The following LDB2 variants were observed in gnomAD, a reference collection of about 807,000 sequenced individuals.
LDB2 encodes the protein LIM domain binding 2.
LDB2 carries 12 observed loss-of-function variants against 44.3 expected under a neutral mutation model. The ratio of observed to expected loss-of-function variants is 0.27; its 90% confidence interval spans 0.17 to 0.44. The LOEUF is 0.44. Ranked by LOEUF, LDB2 falls within the 20% of genes least tolerant of loss-of-function variation. The pLI is 1.00. For missense variants in LDB2, 344 were observed against 473.5 expected (o/e 0.73, Z 2.54); for synonymous variants, 164 against 174.8 (o/e 0.94, Z 0.49).
chr4:16,846,870 G>A (rs1178175169), intron 1 of LDB2, among the ~76,000 whole-genome samples: 1 of 152,168 alleles, frequency 6.6e-6, no homozygotes, highest in African/African-American at 2.4e-5. Flanking sequence ...GTGGATTTTT[G>A]ATATCAAAGT....
intron 5 of LDB2, among the ~76,000 whole-genome samples, chr4:16,538,818 A>G (rs1040103184): frequency 2.6e-5 from 4 of 152,168 alleles, no homozygotes; most frequent in Non-Finnish European, 4.4e-5. Context: ...AGTAGTCTGC[A>G]TGTATTTTTA....
intron 1 of LDB2, among the ~76,000 whole-genome samples, chr4:16,812,510 A>G (rs1579896695): frequency 6.6e-6 from 1 of 150,822 alleles, no homozygotes; most frequent in South Asian, 2.1e-4. Context: ...AATATCTTTC[A>G]GCCCTACAGC....
intron 5 of LDB2, among the ~76,000 whole-genome samples, chr4:16,519,165 T>C (rs1049934433): frequency 6.6e-6 from 1 of 152,212 alleles, no homozygotes; most frequent in African/African-American, 2.4e-5. Flanking sequence ...ACTCAAATAT[T>C]TGTTGAGTCA....
At chr4:16,735,584 C>T (rs1291167334) in intron 2 of LDB2, among the ~76,000 whole-genome samples, 2 of 150,946 alleles carry the variant, frequency 1.3e-5, no homozygotes, top group Non-Finnish European at 2.9e-5. Context: ...AAAAAAACAG[C>T]AATTTCTACA....
At chr4:16,618,261 T>A (rs565028763) in intron 2 of LDB2, among the ~76,000 whole-genome samples, 1 of 152,278 alleles carries the variant, frequency 6.6e-6, no homozygotes, top group South Asian at 2.1e-4. Context: ...CTGACACTTC[T>A]AACAAGTGTC....
chr4:16,722,083 A>ACCT (rs1320065866), intron 2 of LDB2, among the ~76,000 whole-genome samples: 5 of 152,188 alleles, frequency 3.3e-5, no homozygotes, highest in Non-Finnish European at 7.3e-5. Context: ...GTCAATAATT[A>ACCT]CCTAAGAGAC....
chr4:16,583,972 T>G (rs899548324), intron 5 of LDB2, among the ~76,000 whole-genome samples: 9 of 151,928 alleles, frequency 5.9e-5, no homozygotes, highest in Non-Finnish European at 1.2e-4. Context: ...CCAGGAGTAA[T>G]GAGTGAGTGA....
chr4:16,505,839 C>T lies in LDB2; in HGVS notation c.891+2696G>A. 1 of 1,545,574 alleles carries T rather than the reference C, an allele frequency of 6.5e-7. No homozygotes were observed. The highest frequency in any genetic ancestry group is 8.7e-7 in the Non-Finnish European group (1 of 1,144,042). ...TAATCCCCCGTGCAAAGACCACCAA[C>T]CTCTGAGGAGGACTGGAAGTGACTC... On this transcript the variant is annotated intron_variant, in intron 7 of 7. Transcript: ENST00000304523.
chr4:16,752,967 T>C (rs541416744), intron 2 of LDB2, among the ~76,000 whole-genome samples: 3 of 152,146 alleles, frequency 2.0e-5, no homozygotes, highest in Non-Finnish European at 4.4e-5. Flanking sequence ...TGGCCATGCC[T>C]TCTGAGAAGG....
chr4:16,670,074 TC>T lies in LDB2; in HGVS notation c.236-74200del, dbSNP rs1242177419. ...CAAACCTAAAATATTTTCTGTCTGG[TC>T]CTTCACAGAAAAGTTTGCCAACCTC... is the stretch of plus-strand genomic sequence containing the variant. On this transcript the variant is annotated intron_variant, in intron 2 of 7. Transcript: ENST00000304523. Among the ~76,000 whole-genome samples the T allele has an allele frequency of 2.6e-4, 40 of 152,308 alleles. No individual in the cohort carries two copies. The East Asian group carries it at 2.7e-3, about 10-fold the overall frequency.
chr4:16,748,899 C>T (rs1472183821), intron 2 of LDB2, among the ~76,000 whole-genome samples: 2 of 152,174 alleles, frequency 1.3e-5, no homozygotes, highest in Non-Finnish European at 2.9e-5. Flanking sequence ...TGGCTAAGCT[C>T]TGCTAATAAT....
intron 2 of LDB2, among the ~76,000 whole-genome samples, chr4:16,746,274 A>AT (rs1764364857): frequency 6.6e-6 from 1 of 152,238 alleles, no homozygotes; most frequent in Admixed American, 6.5e-5. Flanking sequence ...GTAAGTCATT[A>AT]TTGAACATAT....
chr4:16,581,502 T>C (rs1269346821), intron 5 of LDB2: 1 of 863,748 alleles, frequency 1.2e-6, no homozygotes, highest in Admixed American at 6.2e-5. Context: ...CTTTTGTTGG[T>C]ACCTAAAACA....
chr4:16,785,459 T>C (rs1774214600), intron 1 of LDB2, among the ~76,000 whole-genome samples: 1 of 152,174 alleles, frequency 6.6e-6, no homozygotes, highest in Non-Finnish European at 1.5e-5. Context: ...TGCATCACTG[T>C]AATGAGCAGT....
At chr4:16,591,894 C>CT (rs760106412) in intron 3 of LDB2, among the ~76,000 whole-genome samples, 65 of 150,610 alleles carry the variant, frequency 4.3e-4, no homozygotes, top group Admixed American at 1.2e-3. Flanking sequence ...TTAAAGCTGC[C>CT]TTTCACTTGG....
intron 2 of LDB2, among the ~76,000 whole-genome samples, chr4:16,684,060 G>A (rs945522159): frequency 6.6e-6 from 1 of 152,194 alleles, no homozygotes; most frequent in African/African-American, 2.4e-5. Flanking sequence ...TGAATGGGCA[G>A]CCAGCTGGCA....
chr4:16,886,695 G>T (rs1269137782), intron 1 of LDB2, among the ~76,000 whole-genome samples: 1 of 152,082 alleles, frequency 6.6e-6, no homozygotes, highest in Non-Finnish European at 1.5e-5. Flanking sequence ...AGCAATGAAG[G>T]TTAGTGATGT....
Position 16,664,355 on chromosome 4 carries a change from G to C in LDB2, c.236-68480C>G, listed in dbSNP as rs564609424. ...AGCCTCCAGAACTATAAGCAATAAA[G>C]TTCTGTTGTTTATAAGCCACCCAGT... On this transcript the variant is annotated intron_variant, in intron 2 of 7. Coordinates refer to ENST00000304523, the MANE Select transcript of LDB2 (RefSeq NM_001290.5). 2.1e-4 allele frequency among the ~76,000 whole-genome samples: 32 copies of C among 152,296 alleles called. 1 individual carries two copies. In the South Asian group the frequency reaches 5.0e-3, roughly 24 times the overall value.
At chr4:16,512,267 C>T (rs1056739997) in intron 5 of LDB2, 163 bp from the exon 6 acceptor site, 15 of 640,366 alleles carry the variant, frequency 2.3e-5, no homozygotes, top group African/African-American at 2.2e-4. Flanking sequence ...ATTACAAAAA[C>T]TTGATTATAT....
Sources: gnomAD v4.1 joint callset for allele counts (sites outside exome capture counted in the v4.1 genomes callset) on GRCh38, gnomAD v4.1.1 for gene constraint, MANE v1.5 for transcripts, NCBI Gene and HGNC (gene_info 2026-07-23, HGNC 2026-07-21) for gene names.